Variants in ADAM33 observed in about 807,000 individuals in gnomAD.
ADAM33 encodes the protein ADAM metallopeptidase domain 33, also known as disintegrin and metalloproteinase domain-containing protein 33.
ADAM33 carries 103 observed loss-of-function variants against 106.2 expected under a neutral mutation model. That is an observed-to-expected ratio of 0.97 (90% CI 0.83 to 1.14). ADAM33 has a LOEUF of 1.14. Among genes scored for constraint, ADAM33 ranks in the 50% most tolerant of loss-of-function variants. The pLI, the probability that ADAM33 is intolerant of heterozygous loss-of-function variation, is 0.00. For missense variants in ADAM33, 1,120 were observed against 1,096.6 expected (o/e 1.02, Z -0.30); for synonymous variants, 483 against 453.0 (o/e 1.07, Z -0.84).
In ADAM33 at chr20:3,668,650, T is replaced by G; in HGVS notation, c.*313A>C. 1 of 417,702 alleles carries G rather than the reference T, an allele frequency of 2.4e-6. No individual in the cohort carries two copies. Among genetic ancestry groups the G allele is most frequent in the African/African-American group, 2.0e-5 (1 of 49,490 alleles). 25.9% of individuals were successfully genotyped at this position (417,702 alleles called of 1,614,324 possible). On this transcript the variant is annotated 3_prime_UTR_variant, in exon 22 of 22. Transcript: ENST00000356518. Reference sequence around the variant, plus strand: ...ACCAGACTCCCAGGACAGAGCCCTTTTGGGATGGCCAGCACTACCCAGCCT... The same window carrying G: ...ACCAGACTCCCAGGACAGAGCCCTTGTGGGATGGCCAGCACTACCCAGCCT...
At chr20:3,677,438 C>T (rs540518589) in intron 2 of ADAM33, among the ~76,000 whole-genome samples, 1 of 152,348 alleles carries the variant, frequency 6.6e-6, no homozygotes, top group South Asian at 2.1e-4. Context: ...AAAGGTGCCC[C>T]TCCCCTGGCC....
rs557579606 is a variant in ADAM33 at position 3,677,794 on chromosome 20, G to A, written c.178-651C>T. ...CTCTCAGCTAGGTGTCAGGAGGCTG[G>A]CTTGGACGGCCAGCCCTCTCTCCTT... On this transcript the variant is annotated intron_variant, in intron 2 of 21. Transcript: ENST00000356518. Among the ~76,000 whole-genome samples the A allele has an allele frequency of 3.9e-5, 6 of 152,306 alleles. No homozygotes were observed. In the East Asian group the frequency reaches 1.2e-3, roughly 29 times the overall value.
At position 3,673,928 on chromosome 20, in the gene ADAM33, G is replaced by T; in HGVS notation, c.739-17C>A. Reference sequence around the variant, plus strand: ...CCTGAGAAGCTGAGGGCGAGGCGGGGCTGAAGCCGGGACAGGGCGCCCCAT... The same window carrying T: ...CCTGAGAAGCTGAGGGCGAGGCGGGTCTGAAGCCGGGACAGGGCGCCCCAT... On this transcript the variant is annotated splice_polypyrimidine_tract_variant and intron_variant, in intron 8 of 21. Transcript: ENST00000356518. The T allele has an allele frequency of 6.4e-7, 1 of 1,569,508 alleles. No homozygotes were observed. The highest frequency in any genetic ancestry group is 8.6e-7 in the Non-Finnish European group (1 of 1,162,836).
chr20:3,669,879 T>C, intron 19 of ADAM33: 2 of 536,788 alleles, frequency 3.7e-6, no homozygotes, highest in South Asian at 2.0e-5. Flanking sequence ...TCCTAACATT[T>C]CCTCCAGGCT....
chr20:3,679,136 C>CT lies in ADAM33; in HGVS notation c.177+355dup, dbSNP rs778392877. On this transcript the variant is annotated intron_variant, in intron 2 of 21. Transcript: ENST00000356518. ...TTTGCAAAAGGTTTTCTTTTTGGTGCTTTTTTTTTTTTTTTTTTAGAGGCT... is the reference window on the plus strand; with the variant it reads ...TTTGCAAAAGGTTTTCTTTTTGGTGCTTTTTTTTTTTTTTTTTTTAGAGGCT... Among the ~76,000 whole-genome samples, 274 of 78,222 alleles carry CT rather than the reference C, an allele frequency of 3.5e-3. 6 individuals carry two copies. The highest frequency in any genetic ancestry group is 9.8e-3 in the Middle Eastern group (1 of 102). The allele number at this position is 78,222 out of a possible 152,430, so 51.3% of individuals were successfully genotyped here.
chr20:3,675,354 G>A lies in ADAM33; in HGVS notation c.255-249C>T, dbSNP rs1180580465. On this transcript the variant is annotated intron_variant, in intron 3 of 21. Coordinates refer to ENST00000356518, the MANE Select transcript of ADAM33 (RefSeq NM_025220.5). This position sits in a 1 kb window ranked among gnomAD's most constrained non-coding sequence, Gnocchi z 4.1. Reference sequence around the variant, plus strand: ...TATGGGAAGCACCAGGGAGGACGCCGGGGAGGAGTGGGAATAGGGGAAGAG... The same window carrying A: ...TATGGGAAGCACCAGGGAGGACGCCAGGGAGGAGTGGGAATAGGGGAAGAG... Among the ~76,000 whole-genome samples, 4 of 152,144 alleles carry A rather than the reference G, an allele frequency of 2.6e-5. No homozygotes were observed. The highest frequency in any genetic ancestry group is 1.9e-4 in the East Asian group (1 of 5,186).
Position 3,668,802 on chromosome 20 carries a change from G to T in ADAM33, c.*161C>A, listed in dbSNP as rs1370106923. On this transcript the variant is annotated 3_prime_UTR_variant, in exon 22 of 22. Transcript: ENST00000356518. Reference sequence around the variant, plus strand: ...ACTTCTAATGTGGCTCTGGGTTCCTGGAGTGGGTGGGTCGAAGCTCCACTC... The same window carrying T: ...ACTTCTAATGTGGCTCTGGGTTCCTTGAGTGGGTGGGTCGAAGCTCCACTC... 2 of 813,414 alleles carry T rather than the reference G, an allele frequency of 2.5e-6. No homozygotes were observed. The highest frequency in any genetic ancestry group is 3.4e-5 in the African/African-American group (2 of 59,662). The allele number at this position is 813,414 out of a possible 1,614,324, so 50.4% of individuals were successfully genotyped here.
In ADAM33 at chr20:3,672,579, C is replaced by G. The variant is rs773662675; in HGVS notation, c.1359G>C (p.Pro453=). Reference sequence around the variant, plus strand: ...AGTCCCCGTGGGCGCACTGGGCCCCCGGGCGCAGCGAGCAGTTGTGAGCAA... The same window carrying G: ...AGTCCCCGTGGGCGCACTGGGCCCCGGGGCGCAGCGAGCAGTTGTGAGCAA... ...CCFAHNCSLR[P]GAQCAHGDCC... is the part of the protein sequence containing the mutation. The change falls in exon 13 of 22, where the codon CCG becomes CCC. Residue 453 remains proline, a synonymous_variant. Transcript: ENST00000356518. 1.9e-6 allele frequency: 3 copies of G among 1,613,568 alleles called. No homozygotes were observed. Among genetic ancestry groups the G allele is most frequent in the Middle Eastern group, 1.6e-4 (1 of 6,062 alleles).
At position 3,671,229 on chromosome 20, in the gene ADAM33, T is replaced by A. The variant is rs751866884; in HGVS notation, c.2092+8A>T. 6.2e-7 allele frequency: 1 copy of A among 1,613,438 alleles called. No individual in the cohort carries two copies. Among genetic ancestry groups the A allele is most frequent in the Non-Finnish European group, 8.5e-7 (1 of 1,179,604 alleles). On this transcript the variant is annotated splice_region_variant and intron_variant, in intron 18 of 21. Coordinates refer to ENST00000356518, the MANE Select transcript of ADAM33 (RefSeq NM_025220.5). ...CAGCTCCTGCCCACATGCCCCCCACTGGCATACTTTCAGCCTGCACAGGGC... is the reference window on the plus strand; with the variant it reads ...CAGCTCCTGCCCACATGCCCCCCACAGGCATACTTTCAGCCTGCACAGGGC...
At chr20:3,669,834 G>T (rs1016699644) in intron 19 of ADAM33, 197 bp from the exon 20 acceptor site, 1 of 683,356 alleles carries the variant, frequency 1.5e-6, no homozygotes, top group Non-Finnish European at 2.7e-6. Flanking sequence ...CTCCAAGTGA[G>T]CCTCATGCCC....
rs1467372841 is a variant in ADAM33, at chr20:3,674,589, A to G, written c.515T>C (p.Leu172Pro). Residue 172 changes from leucine to proline, a missense_variant, in exon 6 of 22, where the codon CTG (leucine) becomes CCG (proline). By Grantham distance (98) the Leu-to-Pro change is moderately conservative (BLOSUM62 -3). Coordinates refer to ENST00000356518, the MANE Select transcript of ADAM33 (RefSeq NM_025220.5). ...STHEIFRMEQ[L>P]LTWKGTCGHR... The stretch of plus-strand genomic sequence containing the variant: ...GCCACAGGTTCCTTTCCAGGTGAGC[A>G]GCTGCTCCATCCGAAAGATCTCGTG... 6.2e-7 allele frequency: 1 copy of G among 1,613,348 alleles called. No individual in the cohort carries two copies. Among genetic ancestry groups the G allele is most frequent in the Non-Finnish European group, 8.5e-7 (1 of 1,179,818 alleles).
chr20:3,673,327 C>G, intron 11 of ADAM33, 27 bp downstream of exon 11: 2 of 1,536,532 alleles, frequency 1.3e-6, no homozygotes, highest in Non-Finnish European at 1.7e-6. Flanking sequence ...GCCGCCCCGC[C>G]GCAGCCCCGA....
At chr20:3,679,449 A>G (rs748800027) in intron 2 of ADAM33, 43 bp downstream of exon 2, 5 of 1,562,608 alleles carry the variant, frequency 3.2e-6, no homozygotes, top group Non-Finnish European at 4.4e-6. Flanking sequence ...AAGGGCTGGG[A>G]GGTTCAGGGC....
rs767758871 is a variant in ADAM33, at chr20:3,674,575, C to G, written c.529G>C (p.Gly177Arg). Residue 177 changes from glycine (G) to arginine (R), a missense_variant, in exon 6 of 22, where the codon GGA (glycine) becomes CGA (arginine). Transcript: ENST00000356518. ...FRMEQLLTWK[G>R]TCGHRDPGNK... is the part of the protein sequence containing the mutation. Reference sequence around the variant, plus strand: ...CCAGGATCCCTGTGGCCACAGGTTCCTTTCCAGGTGAGCAGCTGCTCCATC... The same window carrying G: ...CCAGGATCCCTGTGGCCACAGGTTCGTTTCCAGGTGAGCAGCTGCTCCATC... 1 of 1,613,466 alleles carries G rather than the reference C, an allele frequency of 6.2e-7. No individual in the cohort carries two copies. Among genetic ancestry groups the G allele is most frequent in the Non-Finnish European group, 8.5e-7 (1 of 1,179,860 alleles).
At position 3,675,033 on chromosome 20, in the gene ADAM33, G is replaced by C. The variant is rs1434550029; in HGVS notation, c.327C>G (p.Asn109Lys). Residue 109 changes from asparagine (N) to lysine (K), a missense_variant, in exon 4 of 22, where the codon AAC becomes AAG. By Grantham distance (94) the Asn-to-Lys change is moderately conservative. Coordinates refer to ENST00000356518, the MANE Select transcript of ADAM33 (RefSeq NM_025220.5). This position sits in a 1 kb window ranked among gnomAD's most constrained non-coding sequence, Gnocchi z 4.1. ...GCCCATGGAAGCATCTCACCGTGTG[G>C]TTGGGGGCCAGCACCACTGGCTGCC... is the stretch of plus-strand genomic sequence containing the variant. ...PDGQPVVLAP[N>K]HTDHCHYQGR... The C allele has an allele frequency of 6.2e-7, 1 of 1,613,412 alleles. No individual in the cohort carries two copies. Among genetic ancestry groups the C allele is most frequent in the Non-Finnish European group, 8.5e-7 (1 of 1,179,886 alleles).
In ADAM33 at chr20:3,674,096, G is replaced by C. The variant is rs750423431; in HGVS notation, c.706C>G (p.Arg236Gly). ...RHRNLNHTKQ[R>G]LLEVANYVDQ... is the part of the protein sequence containing the mutation. ...ACGTAGTTGGCGACTTCCAGGAGACGCTGTTTGGTGTGGTTCAAGTTTCGG... is the reference window on the plus strand; with the variant it reads ...ACGTAGTTGGCGACTTCCAGGAGACCCTGTTTGGTGTGGTTCAAGTTTCGG... The change falls in exon 8 of 22, where the codon CGT (arginine) becomes GGT (glycine). Residue 236 changes from arginine to glycine, a missense_variant. Physicochemically the swap from Arg to Gly is moderately radical, Grantham distance 125. Transcript: ENST00000356518. The C allele has an allele frequency of 3.1e-6, 5 of 1,614,076 alleles. No individual in the cohort carries two copies. In the African/African-American group the frequency reaches 6.7e-5, roughly 22 times the overall value.
chr20:3,669,832 G>A, intron 19 of ADAM33, 195 bp from the exon 20 acceptor site: 1 of 687,110 alleles, frequency 1.5e-6, no homozygotes, highest in Admixed American at 2.1e-5. Flanking sequence ...GGCTCCAAGT[G>A]AGCCTCATGC....
At chr20:3,681,851 C>G (rs2088528662) in intron 1 of ADAM33, 57 bp downstream of exon 1, 2 of 1,567,530 alleles carry the variant, frequency 1.3e-6, no homozygotes, top group Non-Finnish European at 1.7e-6. Flanking sequence ...AACCCATCCC[C>G]GCCACCACCA....
Position 3,669,282 on chromosome 20 carries a change from T to TCCAGGTCCCTGCCTA in ADAM33, c.2404+2_2404+16dup. ...GGCGATGAGAGGGGGAGGCTTTGAA[T>TCCAGGTCCCTGCCTA]CCAGGTCCCTGCCTACCTTGGGGGT... On this transcript the variant is annotated intron_variant, in intron 21 of 21. Transcript: ENST00000356518. 2.5e-6 allele frequency: 4 copies of TCCAGGTCCCTGCCTA among 1,572,948 alleles called. No homozygotes were observed. The highest frequency in any genetic ancestry group is 3.4e-6 in the Non-Finnish European group (4 of 1,166,264).
Sources: gnomAD v4.1 joint callset for allele counts (sites outside exome capture counted in the v4.1 genomes callset) on GRCh38, gnomAD v4.1.1 for gene constraint, Gnocchi (gnomAD v3.1) non-coding constraint, MANE v1.5 for transcripts, NCBI Gene and HGNC (gene_info 2026-07-23, HGNC 2026-07-21) for gene names.